The following ATRNL1 variants were observed in gnomAD, a reference collection of about 807,000 sequenced individuals.
The protein encoded by ATRNL1 is attractin like 1.
ATRNL1 carries 95 observed loss-of-function variants against 182.7 expected under a neutral mutation model. The ratio of observed to expected loss-of-function variants is 0.52; its 90% CI spans 0.44 to 0.62. The LOEUF (loss-of-function observed/expected upper bound fraction) is 0.62, where lower values mean the gene tolerates loss of function less well. Ranked by LOEUF, ATRNL1 falls within the 20% of genes least tolerant of loss-of-function variation. The probability of loss-of-function intolerance (pLI) is 0.00; values close to 1 mark genes in which losing one functional copy is unlikely to be tolerated. For synonymous variants in ATRNL1, 576 were observed against 568.3 expected (o/e 1.01, Z -0.19); for missense variants, 1,471 against 1,679.5 (o/e 0.88, Z 2.17).
At chr10:115,758,689 G>A (rs782214027) in intron 27 of ATRNL1, among the ~76,000 whole-genome samples, 8 of 152,228 alleles carry the variant, frequency 5.3e-5, no homozygotes, top group African/African-American at 1.7e-4. Flanking sequence ...CTTCAGAGCC[G>A]TCAGGCAGGG....
intron 21 of ATRNL1, among the ~76,000 whole-genome samples, chr10:115,456,018 T>C (rs892239978): frequency 2.6e-5 from 4 of 152,114 alleles, no homozygotes; most frequent in Non-Finnish European, 4.4e-5. Context: ...GAAATAGGAA[T>C]GCTTTTGCAT....
rs143430918 is a variant in ATRNL1 at position 115,529,702 on chromosome 10, C to T, written c.3716+10378C>T. Among the ~76,000 whole-genome samples the T allele has an allele frequency of 6.3e-3, 958 of 152,110 alleles. 12 individuals are homozygous for T. The highest frequency in any genetic ancestry group is 0.022 in the African/African-American group (894 of 41,538). ...AAAAAACTTCAAAACTTTTACTTAT[C>T]ATTGTCTAATTTTTAAACGTTTTCC... On this transcript the variant is annotated intron_variant, in intron 25 of 28. Transcript: ENST00000355044.
At chr10:115,205,368 A>G (rs1848757238) in intron 8 of ATRNL1, among the ~76,000 whole-genome samples, 1 of 151,762 alleles carries the variant, frequency 6.6e-6, no homozygotes, top group South Asian at 2.1e-4. Context: ...ATATGCTTGG[A>G]TTTAATCATG....
At chr10:115,453,700 A>G (rs1481485903) in intron 21 of ATRNL1, among the ~76,000 whole-genome samples, 2 of 151,700 alleles carry the variant, frequency 1.3e-5, no homozygotes, top group African/African-American at 4.8e-5. Context: ...CGCGAGGACA[A>G]AAAACCAAAC....
chr10:115,269,326 G>T (rs569566888), intron 13 of ATRNL1, among the ~76,000 whole-genome samples: 7 of 151,904 alleles, frequency 4.6e-5, no homozygotes, highest in African/African-American at 1.7e-4. Flanking sequence ...TAGAATTAAA[G>T]ATTTTTTTGT....
Position 115,129,488 on chromosome 10 carries a change from G to A in ATRNL1, c.782G>A (p.Cys261Tyr). The change falls in exon 5 of 29, where the codon TGT (cysteine) becomes TAT (tyrosine). Residue 261 changes from cysteine (C) to tyrosine (Y), a missense_variant. This residue lies in a region of ATRNL1 where 1,031 missense variants were observed against 1,156.0 expected (regional missense o/e 0.89). Coordinates refer to ENST00000355044, the MANE Select transcript of ATRNL1 (RefSeq NM_207303.4). ...TGCGGCAGTCCAGATCACGGTTACT[G>A]TGACCTGACTGGAGAAAAATTATGT... ...ANCGSPDHGY[C>Y]DLTGEKLCVC... The A allele has an allele frequency of 3.1e-6, 5 of 1,614,140 alleles. No homozygotes were observed. The highest frequency in any genetic ancestry group is 4.2e-6 in the Non-Finnish European group (5 of 1,180,018).
intron 18 of ATRNL1, among the ~76,000 whole-genome samples, chr10:115,318,397 C>G (rs1854412659): frequency 6.6e-6 from 1 of 152,082 alleles, no homozygotes. Flanking sequence ...TTGATGCTGG[C>G]TTTATAAAAT....
chr10:115,243,594 A>G (rs1166950357), intron 10 of ATRNL1, among the ~76,000 whole-genome samples: 6 of 152,012 alleles, frequency 3.9e-5, no homozygotes, highest in Admixed American at 3.3e-4. Flanking sequence ...TAGTCTTTCT[A>G]TTTGACTACA....
chr10:115,381,137 T>G (rs1857974023), intron 19 of ATRNL1, among the ~76,000 whole-genome samples: 1 of 152,330 alleles, frequency 6.6e-6, no homozygotes, highest in South Asian at 2.1e-4. Flanking sequence ...TAAGGAGTAA[T>G]GATTTTAAAT....
intron 21 of ATRNL1, among the ~76,000 whole-genome samples, chr10:115,455,656 G>A (rs535642144): frequency 6.6e-6 from 1 of 152,146 alleles, no homozygotes; most frequent in Non-Finnish European, 1.5e-5. Context: ...AAACCAAAGA[G>A]CTTCTGCACA....
intron 27 of ATRNL1, among the ~76,000 whole-genome samples, chr10:115,775,765 G>A (rs1593199915): frequency 6.7e-6 from 1 of 148,454 alleles, no homozygotes; most frequent in Non-Finnish European, 1.5e-5. Flanking sequence ...GACCAGCCTG[G>A]CCAACATGGT....
At chr10:115,300,807 T>C (rs1592406607) in intron 16 of ATRNL1, among the ~76,000 whole-genome samples, 1 of 152,192 alleles carries the variant, frequency 6.6e-6, no homozygotes, top group South Asian at 2.1e-4. Flanking sequence ...TTGACACTGT[T>C]GTGCAAACAT....
chr10:115,276,281 A>G (rs1378633340), intron 13 of ATRNL1, among the ~76,000 whole-genome samples: 1 of 152,128 alleles, frequency 6.6e-6, no homozygotes, highest in African/African-American at 2.4e-5. Flanking sequence ...TCACATTGGG[A>G]TTGGGTTTCA....
intron 26 of ATRNL1, among the ~76,000 whole-genome samples, chr10:115,646,661 A>G (rs1432479094): frequency 1.3e-5 from 2 of 149,184 alleles, no homozygotes; most frequent in Non-Finnish European, 1.5e-5. Context: ...CATTGTTAAT[A>G]TTTTATTAAA....
At chr10:115,701,194 C>T (rs2133995045) in intron 26 of ATRNL1, among the ~76,000 whole-genome samples, 1 of 151,874 alleles carries the variant, frequency 6.6e-6, no homozygotes, top group East Asian at 1.9e-4. Flanking sequence ...AAAAACCTGC[C>T]CTTGAATTGA....
chr10:115,192,718 T>C (rs1041596585), intron 8 of ATRNL1, among the ~76,000 whole-genome samples: 20 of 149,724 alleles, frequency 1.3e-4, no homozygotes, highest in African/African-American at 4.8e-4. Flanking sequence ...AAATCCGTTT[T>C]TTTGTGTATT....
At chr10:115,861,283 G>A (rs533481778) in intron 28 of ATRNL1, among the ~76,000 whole-genome samples, 115 of 152,120 alleles carry the variant, frequency 7.6e-4, no homozygotes, top group Admixed American at 2.6e-3. Flanking sequence ...CGCTGTCTCC[G>A]TCCCACCCAG....
At chr10:115,355,688 G>A (rs1052981587) in intron 19 of ATRNL1, among the ~76,000 whole-genome samples, 2 of 151,440 alleles carry the variant, frequency 1.3e-5, no homozygotes, top group Non-Finnish European at 2.9e-5. Flanking sequence ...CTCCATTTAG[G>A]TCTTACTCTT....
At chr10:115,472,010 T>G (rs1367580985) in intron 24 of ATRNL1, among the ~76,000 whole-genome samples, 5 of 151,110 alleles carry the variant, frequency 3.3e-5, no homozygotes, top group African/African-American at 1.2e-4. Flanking sequence ...TAATCCATTT[T>G]GAGTTGATTT....
Sources: gnomAD v4.1 joint callset for allele counts (sites outside exome capture counted in the v4.1 genomes callset) on GRCh38, gnomAD v4.1.1 for gene constraint, gnomAD v4.1.1 regional missense constraint, MANE v1.5 for transcripts, NCBI Gene and HGNC (gene_info 2026-07-23, HGNC 2026-07-21) for gene names.